Variants in SRGAP3 observed in about 807,000 individuals in gnomAD.
SRGAP3 encodes the protein SLIT-ROBO Rho GTPase activating protein 3.
Under a neutral mutation model 121.1 loss-of-function variants are expected in SRGAP3, and 39 were observed. The ratio of observed to expected loss-of-function variants is 0.32; its 90% CI spans 0.25 to 0.42. The LOEUF is 0.42. SRGAP3 is among the 10% of genes least tolerant of loss of function. SRGAP3 has a pLI of 1.00. For synonymous variants in SRGAP3, 601 were observed against 570.0 expected (o/e 1.05, Z -0.77); for missense variants, 1,213 against 1,470.6 (o/e 0.82, Z 2.86).
intron 12 of SRGAP3, 83 bp from the exon 13 acceptor site, chr3:9,027,078 C>T: frequency 7.9e-7 from 1 of 1,267,550 alleles, no homozygotes; most frequent in South Asian, 1.2e-5. Flanking sequence ...ATTACAGACT[C>T]AAGCCAGAAT....
intron 2 of SRGAP3, among the ~76,000 whole-genome samples, chr3:9,108,868 T>C (rs921027428): frequency 2.6e-5 from 4 of 152,052 alleles, no homozygotes; most frequent in Non-Finnish European, 4.4e-5. Flanking sequence ...CAGCGAAGGA[T>C]GGACTTGAGA....
chr3:9,027,381 T>C (rs1457144305), intron 12 of SRGAP3, among the ~76,000 whole-genome samples: 1 of 152,150 alleles, frequency 6.6e-6, no homozygotes, highest in Non-Finnish European at 1.5e-5. Context: ...ATTTTCTCAG[T>C]GCTCAAGGAT....
intron 1 of SRGAP3, among the ~76,000 whole-genome samples, chr3:9,134,882 G>C (rs185521996): frequency 1.3e-5 from 2 of 152,274 alleles, no homozygotes; most frequent in East Asian, 3.9e-4. Context: ...CACCTGCCCG[G>C]TGGTTCAAAT....
In SRGAP3 at chr3:9,239,010, C is replaced by T. The variant is rs1196662088; in HGVS notation, c.67+9875G>A. On this transcript the variant is annotated intron_variant, in intron 1 of 21. Coordinates refer to ENST00000383836, the MANE Select transcript of SRGAP3 (RefSeq NM_014850.4). The surrounding 1 kb of genome is among the most constrained non-coding windows in gnomAD (Gnocchi z 4.0). ...ACAAGGGCCTTGGTGCTGCCTAAGT[C>T]CCCCTGGATCTTGGAGCACAACCCT... 3.9e-5 allele frequency among the ~76,000 whole-genome samples: 6 copies of T among 152,178 alleles called. No homozygotes were observed. Among genetic ancestry groups the T allele is most frequent in the Non-Finnish European group, 7.3e-5 (5 of 68,034 alleles).
chr3:9,204,871 A>G (rs1240820499), intron 1 of SRGAP3, among the ~76,000 whole-genome samples: 2 of 152,114 alleles, frequency 1.3e-5, no homozygotes, highest in Admixed American at 1.3e-4. Context: ...GACGCTGAAA[A>G]CCGCCCTTTG....
At chr3:9,166,270 G>A (rs1950781895) in intron 1 of SRGAP3, among the ~76,000 whole-genome samples, 1 of 152,156 alleles carries the variant, frequency 6.6e-6, no homozygotes, top group South Asian at 2.1e-4. Context: ...CTTCACCTCT[G>A]TAACCCCAGT....
In SRGAP3 at chr3:9,013,462, G is replaced by A. The variant is rs762311558; in HGVS notation, c.1993C>T (p.His665Tyr). The A allele has an allele frequency of 2.5e-6, 4 of 1,613,972 alleles. No individual in the cohort carries two copies. Among genetic ancestry groups the A allele is most frequent in the Non-Finnish European group, 2.5e-6 (3 of 1,180,022 alleles). The change falls in exon 17 of 22, where the codon CAC becomes TAC. Residue 665 changes from histidine (H) to tyrosine (Y), a missense_variant. By Grantham distance (83) the His-to-Tyr change is moderately conservative. Transcript: ENST00000383836. ...ACAGGGTCCTGCCCATCAGGGATGTGCATGAGGGTAGGCCCGAAGCAGATG... is the reference window on the plus strand; with the variant it reads ...ACAGGGTCCTGCCCATCAGGGATGTACATGAGGGTAGGCCCGAAGCAGATG... ...LAICFGPTLMHIPDGQDPVSC... is the reference protein window; with the variant it reads ...LAICFGPTLMYIPDGQDPVSC...
At chr3:9,259,722 T>C (rs1338657333) in intron 3 of SRGAP3, among the ~76,000 whole-genome samples, 4 of 152,140 alleles carry the variant, frequency 2.6e-5, no homozygotes, top group East Asian at 3.9e-4. Context: ...GTACCTGCAC[T>C]GTCCAATACG....
chr3:8,985,218 A>C lies in SRGAP3; in HGVS notation c.*301T>G. On this transcript the variant is annotated 3_prime_UTR_variant, in exon 22 of 22. Transcript: ENST00000383836. The surrounding 1 kb of genome is among the most constrained non-coding windows in gnomAD (Gnocchi z 5.1). ...ATGTCGAGAGAGGAAGTTTCCAGTG[A>C]CGATATGCGGGAGAAGCCATGTGGT... 2.0e-6 allele frequency: 1 copy of C among 488,334 alleles called. No individual in the cohort carries two copies. Among genetic ancestry groups the C allele is most frequent in the South Asian group, 2.5e-5 (1 of 40,416 alleles). The allele number at this position is 488,334 out of a possible 1,614,324, so 30.3% of individuals were successfully genotyped here. A position where few individuals can be genotyped will look rare whatever the true frequency, so the allele number is the denominator to read the frequency against.
At chr3:9,149,940 T>C (rs1950159375) in intron 1 of SRGAP3, among the ~76,000 whole-genome samples, 2 of 152,114 alleles carry the variant, frequency 1.3e-5, no homozygotes, top group Non-Finnish European at 2.9e-5. Flanking sequence ...CACCATGGGT[T>C]TGTTGAGTGC....
chr3:9,037,952 T>C (rs544219862), intron 11 of SRGAP3, 111 bp downstream of exon 11: 51 of 1,424,250 alleles, frequency 3.6e-5, no homozygotes, highest in Non-Finnish European at 4.6e-5. Flanking sequence ...CTTGGGGACA[T>C]TGGTGAAGAA....
At chr3:9,131,497 G>A (rs1575120020) in intron 1 of SRGAP3, among the ~76,000 whole-genome samples, 1 of 136,202 alleles carries the variant, frequency 7.3e-6, no homozygotes, top group African/African-American at 2.8e-5. Context: ...GGAGTGCAGT[G>A]GTGCGATCTC....
At chr3:9,192,512 T>C (rs1951784318) in intron 1 of SRGAP3, 2 of 152,194 alleles carry the variant, frequency 1.3e-5, no homozygotes, top group African/African-American at 4.8e-5. Flanking sequence ...TGCTATGTTT[T>C]GTCACACATC....
intron 1 of SRGAP3, among the ~76,000 whole-genome samples, chr3:9,185,371 A>G (rs963903008): frequency 1.3e-5 from 2 of 152,074 alleles, no homozygotes; most frequent in Non-Finnish European, 2.9e-5. Flanking sequence ...GGCAGGGAGG[A>G]TCATGACTGG....
At position 9,173,041 on chromosome 3, in the gene SRGAP3, G is replaced by A. The variant is rs543231400; in HGVS notation, c.68-48124C>T. Among the ~76,000 whole-genome samples, 19 of 152,336 alleles carry A rather than the reference G, an allele frequency of 1.2e-4. No individual in the cohort carries two copies. The East Asian group carries it at 3.5e-3, about 28-fold the overall frequency. Reference sequence around the variant, plus strand: ...GGTGGGGCATGGCTCGTGGCCACAAGCCCCTAAGCACTGTGCACCAGGGCC... The same window carrying A: ...GGTGGGGCATGGCTCGTGGCCACAAACCCCTAAGCACTGTGCACCAGGGCC... On this transcript the variant is annotated intron_variant, in intron 1 of 21. Transcript: ENST00000383836.
chr3:9,286,113 AACACACACACACACAC>A (rs34023408), intron 3 of SRGAP3, among the ~76,000 whole-genome samples: 109 of 135,076 alleles, frequency 8.1e-4, no homozygotes, highest in South Asian at 3.1e-3. Context: ...CCCTATCTCA[AACACACACACACACAC>A]ACACACACAC....
intron 1 of SRGAP3, chr3:9,194,577 T>C (rs999998692): frequency 2.0e-5 from 3 of 152,188 alleles, no homozygotes; most frequent in Admixed American, 6.5e-5. Flanking sequence ...GCTGAGAGGA[T>C]AGTCTGAGGC....
intron 3 of SRGAP3, among the ~76,000 whole-genome samples, chr3:9,087,874 T>C (rs560655348): frequency 5.9e-5 from 9 of 152,144 alleles, no homozygotes; most frequent in African/African-American, 1.7e-4. Flanking sequence ...TCCCCAGGAC[T>C]GTAAGCCGCC....
At position 9,119,374 on chromosome 3, in the gene SRGAP3, C is replaced by T. The variant is rs1285080149; in HGVS notation, c.260+5351G>A. ...GGCTCCACCCTCCAACCCAGGTGGTCTTTTAAACATATAAATCACATCATG... is the reference window on the plus strand; with the variant it reads ...GGCTCCACCCTCCAACCCAGGTGGTTTTTTAAACATATAAATCACATCATG... On this transcript the variant is annotated intron_variant, in intron 2 of 21. Transcript: ENST00000383836. Among the ~76,000 whole-genome samples the T allele has an allele frequency of 5.3e-5, 8 of 152,310 alleles. No individual in the cohort carries two copies. In the East Asian group the frequency reaches 1.5e-3, roughly 29 times the overall value.
Sources: allele counts gnomAD v4.1 joint callset (sites outside exome capture counted in the v4.1 genomes callset), GRCh38; gene constraint gnomAD v4.1.1; non-coding constraint Gnocchi (gnomAD v3.1); transcripts MANE v1.5; gene names NCBI Gene and HGNC (gene_info 2026-07-23, HGNC 2026-07-21).